The following RASSF3 variants were observed in gnomAD, a reference collection of about 807,000 sequenced individuals.
The protein encoded by RASSF3 is Ras association domain family member 3.
In RASSF3, 19 loss-of-function variants were observed where a neutral mutation model predicts 19.9. The ratio of observed to expected loss-of-function variants is 0.96; its 90% confidence interval spans 0.67 to 1.40. The LOEUF is 1.40. Among genes scored for constraint, RASSF3 ranks in the 40% most tolerant of loss-of-function variants. The pLI, the probability that RASSF3 is intolerant of heterozygous loss-of-function variation, is 0.00. For missense variants in RASSF3, 306 were observed against 289.8 expected (o/e 1.06, Z -0.41); for synonymous variants, 110 against 104.2 (o/e 1.06, Z -0.34).
In RASSF3 at chr12:64,688,510, TC is replaced by T. The variant is rs1345420841; in HGVS notation, c.457+58del. 3.2e-6 allele frequency: 4 copies of T among 1,233,110 alleles called. No homozygotes were observed. In the African/African-American group the frequency reaches 5.9e-5, roughly 18 times the overall value. 76.4% of individuals were successfully genotyped at this position (1,233,110 alleles called of 1,614,324 possible). On this transcript the variant is annotated intron_variant, in intron 3 of 4. Coordinates refer to ENST00000542104, the MANE Select transcript of RASSF3 (RefSeq NM_178169.4). Reference sequence around the variant, plus strand: ...GTGCTTCTACTTGCATCTGCTGTTCTCATTAGCAGAGGGAAGACTGGTGGGT... The same window carrying T: ...GTGCTTCTACTTGCATCTGCTGTTCTATTAGCAGAGGGAAGACTGGTGGGT...
intron 1 of RASSF3, among the ~76,000 whole-genome samples, chr12:64,645,492 G>T (rs1464949416): frequency 3.9e-5 from 6 of 152,064 alleles, no homozygotes; most frequent in Admixed American, 2.6e-4. Flanking sequence ...GGGCAACATA[G>T]TGAGACCCTG....
intron 2 of RASSF3, among the ~76,000 whole-genome samples, chr12:64,593,646 G>A (rs1451426191): frequency 1.3e-5 from 2 of 152,034 alleles, no homozygotes; most frequent in Non-Finnish European, 2.9e-5. Context: ...TTCTAGCTGG[G>A]GATATGAGGA....
chr12:64,683,196 C>T (rs1288552183), intron 1 of RASSF3, among the ~76,000 whole-genome samples: 1 of 152,208 alleles, frequency 6.6e-6, no homozygotes, highest in Non-Finnish European at 1.5e-5. Flanking sequence ...AGCAGGCTTT[C>T]ATTTGCTTCC....
chr12:64,611,371 C>T (rs978445088), intron 1 of RASSF3: 2 of 152,256 alleles, frequency 1.3e-5, no homozygotes, highest in African/African-American at 4.8e-5. Context: ...TGCAAACAAG[C>T]TCCTATGCTA....
At position 64,662,843 on chromosome 12, in the gene RASSF3, G is replaced by A. The variant is rs558377516; in HGVS notation, c.112-21944G>A. Among the ~76,000 whole-genome samples the A allele has an allele frequency of 1.1e-4, 17 of 152,254 alleles. No homozygotes were observed. In the South Asian group the frequency reaches 3.5e-3, roughly 32 times the overall value. ...TGGAAGAAGGTGGATTCTGGATCTTGCCTGGCTGGGAATGAGGGCTCCAGC... is the reference window on the plus strand; with the variant it reads ...TGGAAGAAGGTGGATTCTGGATCTTACCTGGCTGGGAATGAGGGCTCCAGC... On this transcript the variant is annotated intron_variant, in intron 1 of 4. Transcript: ENST00000542104.
chr12:64,623,113 G>A (rs918713084), intron 1 of RASSF3, among the ~76,000 whole-genome samples: 3 of 152,018 alleles, frequency 2.0e-5, no homozygotes, highest in Admixed American at 6.6e-5. Context: ...GAGCCACCGC[G>A]CCCGGCCACC....
intron 1 of RASSF3, among the ~76,000 whole-genome samples, chr12:64,515,117 T>C (rs1465647215): frequency 6.6e-6 from 1 of 152,072 alleles, no homozygotes; most frequent in African/African-American, 2.4e-5. Flanking sequence ...AGTGCAATGC[T>C]GCAATCTCTG....
At chr12:64,543,424 T>G, downstream of RASSF3, among the ~76,000 whole-genome samples, 1 of 22,380 alleles carries the variant, frequency 4.5e-5, no homozygotes. Context: ...GCCCCCCGGC[T>G]CCCCGCCCGC....
intron 1 of RASSF3, among the ~76,000 whole-genome samples, chr12:64,634,658 G>A (rs1871271088): frequency 6.6e-6 from 1 of 151,092 alleles, no homozygotes; most frequent in Non-Finnish European, 1.5e-5. Context: ...CTACTCCGGA[G>A]GCTGAAGCAT....
At chr12:64,516,564 A>C (rs1868369781) in intron 1 of RASSF3, among the ~76,000 whole-genome samples, 1 of 148,330 alleles carries the variant, frequency 6.7e-6, no homozygotes, top group Non-Finnish European at 1.5e-5. Flanking sequence ...GCTTGCAGTG[A>C]GCCGAGATCC....
intron 1 of RASSF3, among the ~76,000 whole-genome samples, chr12:64,650,771 CT>C (rs754799584): frequency 6.6e-6 from 1 of 152,150 alleles, no homozygotes; most frequent in African/African-American, 2.4e-5. Context: ...TTTCCTGTAC[CT>C]TAAACAATGG....
intron 2 of RASSF3, 134 bp from the exon 3 acceptor site, chr12:64,688,082 T>C: frequency 1.4e-6 from 1 of 732,150 alleles, no homozygotes. Flanking sequence ...GGGCAATCTT[T>C]AGTGAAGTTC....
At chr12:64,568,204 G>A (rs1869462091) in intron 2 of RASSF3, among the ~76,000 whole-genome samples, 1 of 151,812 alleles carries the variant, frequency 6.6e-6, no homozygotes. Flanking sequence ...GCTAATTTTT[G>A]TATTTTTAGT....
chr12:64,694,745 T>A lies in RASSF3; in HGVS notation c.568-18T>A. 6.2e-7 allele frequency: 1 copy of A among 1,613,858 alleles called. No individual in the cohort carries two copies. On this transcript the variant is annotated intron_variant, in intron 4 of 4. Coordinates refer to ENST00000542104, the MANE Select transcript of RASSF3 (RefSeq NM_178169.4). ...AGTATTAAACATCTGGCATTTTTCT[T>A]TCTGTGTTTCCTGACAGTGGGAAGC...
At chr12:64,523,522 G>T (rs747400752) in intron 1 of RASSF3, among the ~76,000 whole-genome samples, 1 of 152,180 alleles carries the variant, frequency 6.6e-6, no homozygotes, top group Non-Finnish European at 1.5e-5. Context: ...CTCAGGTCAA[G>T]CAGCCTTCAG....
chr12:64,543,418 CCCGGCTCCCCG>C (rs1565836066), downstream of RASSF3, among the ~76,000 whole-genome samples: 2 of 52,074 alleles, frequency 3.8e-5, no homozygotes, highest in African/African-American at 1.1e-4. Flanking sequence ...TTTCCCGCCC[CCCGGCTCCCCG>C]CCCGCCCCCC....
At chr12:64,637,819 T>C (rs927909180) in intron 1 of RASSF3, among the ~76,000 whole-genome samples, 2 of 151,692 alleles carry the variant, frequency 1.3e-5, no homozygotes, top group Non-Finnish European at 2.9e-5. Context: ...GTGCCCTTTT[T>C]CTATAGTTAT....
At chr12:64,522,308 C>T (rs1868493780) in intron 1 of RASSF3, among the ~76,000 whole-genome samples, 1 of 152,108 alleles carries the variant, frequency 6.6e-6, no homozygotes, top group South Asian at 2.1e-4. Flanking sequence ...AACTTCTGTT[C>T]TCCAGCTGTC....
chr12:64,556,065 C>T (rs1235026852), intron 2 of RASSF3, among the ~76,000 whole-genome samples: 1 of 152,094 alleles, frequency 6.6e-6, no homozygotes, highest in Non-Finnish European at 1.5e-5. Context: ...AAGAGAAAAG[C>T]CTTCCCACAG....
Sources: gnomAD v4.1 joint callset for allele counts (sites outside exome capture counted in the v4.1 genomes callset) on GRCh38, gnomAD v4.1.1 for gene constraint, MANE v1.5 for transcripts, NCBI Gene and HGNC (gene_info 2026-07-23, HGNC 2026-07-21) for gene names.